Variants in SLC44A1 observed in about 807,000 individuals in gnomAD.
SLC44A1 encodes the protein choline transporter-like protein 1.
Under a neutral mutation model 79.3 loss-of-function variants are expected in SLC44A1, and 26 were observed. The observed-to-expected ratio is 0.33, with a 90% confidence interval of 0.24 to 0.46. The LOEUF (loss-of-function observed/expected upper bound fraction) is 0.46, where lower values mean the gene tolerates loss of function less well. SLC44A1 is among the 20% of genes least tolerant of loss of function. The pLI is 1.00. For missense variants in SLC44A1, 688 were observed against 798.1 expected (o/e 0.86, Z 1.66); for synonymous variants, 263 against 286.2 (o/e 0.92, Z 0.82).
intron 12 of SLC44A1, among the ~76,000 whole-genome samples, chr9:105,373,691 C>T (rs760261078): frequency 1.3e-5 from 2 of 152,180 alleles, no homozygotes; most frequent in Non-Finnish European, 2.9e-5. Flanking sequence ...ACCTGGTTCT[C>T]CCTGCTCTGA....
chr9:105,371,004 A>C lies in SLC44A1; in HGVS notation c.1495-3594A>C, dbSNP rs970556967. On this transcript the variant is annotated intron_variant, in intron 12 of 15. Transcript: ENST00000374720. ...GAATAACTGGCTCATTAGTCTCTTGATTATATCTTAGAATGTGGGAAATAA... is the reference window on the plus strand; with the variant it reads ...GAATAACTGGCTCATTAGTCTCTTGCTTATATCTTAGAATGTGGGAAATAA... Among the ~76,000 whole-genome samples, 16 of 152,190 alleles carry C rather than the reference A, an allele frequency of 1.1e-4. 1 individual carries two copies. The highest frequency in any genetic ancestry group is 3.9e-4 in the African/African-American group (16 of 41,444).
At chr9:105,352,105 A>G (rs963405972) in intron 5 of SLC44A1, among the ~76,000 whole-genome samples, 50 of 152,352 alleles carry the variant, frequency 3.3e-4, no homozygotes, top group African/African-American at 1.0e-3. Context: ...TCTATAAAAC[A>G]TAAATAAATG....
intron 2 of SLC44A1, 137 bp from the exon 3 acceptor site, chr9:105,309,587 T>G: frequency 1.4e-6 from 1 of 701,508 alleles, no homozygotes; most frequent in South Asian, 1.9e-5. Context: ...AGGAAAACAG[T>G]GGAATAGTGT....
chr9:105,395,733 C>T lies in SLC44A1; in HGVS notation c.*6677C>T, dbSNP rs1173854096. On this transcript the variant is annotated 3_prime_UTR_variant, in exon 16 of 16. Transcript: ENST00000374720. ...CAGCTAGGATTATAATTTGAACTGT[C>T]GTTTCAGGAGCATGTGTTAAATCAT... The T allele has an allele frequency of 3.0e-6, 3 of 984,862 alleles. No individual in the cohort carries two copies. Among genetic ancestry groups the T allele is most frequent in the South Asian group, 4.7e-5 (1 of 21,268 alleles). The allele number at this position is 984,862 out of a possible 1,614,324, so 61.0% of individuals were successfully genotyped here.
chr9:105,429,428 G>T (rs952335452), intron 15 of SLC44A1, among the ~76,000 whole-genome samples: 1 of 151,938 alleles, frequency 6.6e-6, no homozygotes, highest in Non-Finnish European at 1.5e-5. Context: ...TCAGCCTCCC[G>T]AGTAGCTGGG....
At chr9:105,344,695 T>C (rs1195475648) in intron 4 of SLC44A1, among the ~76,000 whole-genome samples, 1 of 152,204 alleles carries the variant, frequency 6.6e-6, no homozygotes, top group African/African-American at 2.4e-5. Context: ...GGATGACATC[T>C]ATGTATCAGG....
intron 15 of SLC44A1, among the ~76,000 whole-genome samples, chr9:105,431,372 T>A (rs1291345580): frequency 1.3e-5 from 2 of 152,270 alleles, no homozygotes; most frequent in East Asian, 3.8e-4. Flanking sequence ...CGTGTCAATG[T>A]CCAAATCAAT....
At chr9:105,363,249 G>A (rs772443748) in intron 9 of SLC44A1, among the ~76,000 whole-genome samples, 10 of 151,866 alleles carry the variant, frequency 6.6e-5, no homozygotes, top group African/African-American at 2.2e-4. Context: ...TGCAACCTCC[G>A]CCTCCCGGGT....
intron 1 of SLC44A1, among the ~76,000 whole-genome samples, chr9:105,267,833 A>G (rs1428166516): frequency 4.6e-5 from 7 of 152,022 alleles, no homozygotes; most frequent in Admixed American, 3.9e-4. Context: ...TTATTTGGGT[A>G]TGGGATTGTT....
chr9:105,283,349 TTGAA>T (rs1232050821), intron 1 of SLC44A1, among the ~76,000 whole-genome samples: 1 of 152,126 alleles, frequency 6.6e-6, no homozygotes, highest in Non-Finnish European at 1.5e-5. Flanking sequence ...CTTGTAGAAT[TTGAA>T]TGGGAAGTAC....
chr9:105,418,467 C>T (rs7045426), intron 15 of SLC44A1, among the ~76,000 whole-genome samples: 158 of 152,254 alleles, frequency 1.0e-3, no homozygotes, highest in African/African-American at 3.4e-3. Flanking sequence ...ATGGGGCTTA[C>T]CTCTGGAACA....
In SLC44A1 at chr9:105,389,307, A is replaced by G; in HGVS notation, c.*251A>G. 1.7e-6 allele frequency: 2 copies of G among 1,189,668 alleles called. No individual in the cohort carries two copies. Among genetic ancestry groups the G allele is most frequent in the Non-Finnish European group, 2.1e-6 (2 of 960,106 alleles). The allele number at this position is 1,189,668 out of a possible 1,614,324, so 73.7% of individuals were successfully genotyped here. A position where few individuals can be genotyped will look rare whatever the true frequency, so the allele number is the denominator to read the frequency against. ...TGGCTTTTACAAGGCAACTTCCGTC[A>G]TTTAATGTTTTCAACTGTAATTGTC... On this transcript the variant is annotated 3_prime_UTR_variant, in exon 16 of 16. Coordinates refer to ENST00000374720, the MANE Select transcript of SLC44A1 (RefSeq NM_080546.5).
intron 1 of SLC44A1, among the ~76,000 whole-genome samples, chr9:105,252,892 A>C (rs1829622612): frequency 6.6e-6 from 1 of 152,230 alleles, no homozygotes; most frequent in Admixed American, 6.5e-5. Context: ...GCATTGTGTA[A>C]AATTTAGTAA....
intron 9 of SLC44A1, 107 bp downstream of exon 9, chr9:105,363,114 A>G (rs1827831862): frequency 3.5e-6 from 3 of 863,244 alleles, no homozygotes; most frequent in Non-Finnish European, 5.4e-6. Context: ...TGAAGGTCCA[A>G]TAGCCATCAG....
At chr9:105,378,938 G>GA (rs1478920123) in intron 13 of SLC44A1, among the ~76,000 whole-genome samples, 6 of 152,122 alleles carry the variant, frequency 3.9e-5, no homozygotes, top group Non-Finnish European at 8.8e-5. Flanking sequence ...TATGCTGAGC[G>GA]AAAAAATCTA....
At chr9:105,410,835 C>T (rs993030305) in intron 15 of SLC44A1, among the ~76,000 whole-genome samples, 1 of 151,960 alleles carries the variant, frequency 6.6e-6, no homozygotes, top group Non-Finnish European at 1.5e-5. Flanking sequence ...ATCCATACAA[C>T]AAAATACTAC....
Position 105,424,348 on chromosome 9 carries a change from G to T in SLC44A1, c.1951-13933G>T, listed in dbSNP as rs565693000. ...CTAAGGATGGATACTGGCTGTGATT[G>T]TAGCAGGAGATGTGGCTGGAGCTTG... On this transcript the variant is annotated intron_variant, in intron 15 of 15. Transcript: ENST00000374724. Among the ~76,000 whole-genome samples the T allele has an allele frequency of 2.3e-3, 353 of 152,318 alleles. 4 individuals are homozygous for T. Among genetic ancestry groups the T allele is most frequent in the African/African-American group, 8.2e-3 (342 of 41,584 alleles).
At chr9:105,330,112 T>C (rs527386065) in intron 3 of SLC44A1, among the ~76,000 whole-genome samples, 191 of 152,338 alleles carry the variant, frequency 1.3e-3, no homozygotes, top group African/African-American at 4.5e-3. Flanking sequence ...AAGTTTTTCT[T>C]ATCCTATTTA....
At chr9:105,267,625 T>C (rs1418225503) in intron 1 of SLC44A1, among the ~76,000 whole-genome samples, 1 of 152,236 alleles carries the variant, frequency 6.6e-6, no homozygotes, top group Non-Finnish European at 1.5e-5. Flanking sequence ...TATTCTTTTT[T>C]GTTTTTACAT....
Sources: allele counts gnomAD v4.1 joint callset (sites outside exome capture counted in the v4.1 genomes callset), GRCh38; gene constraint gnomAD v4.1.1; transcripts MANE v1.5; gene names NCBI Gene and HGNC (gene_info 2026-07-23, HGNC 2026-07-21).